Variants in BLMH observed in about 807,000 individuals in gnomAD.
BLMH encodes the protein bleomycin hydrolase, also known as BLM hydrolase.
BLMH carries 32 observed loss-of-function variants against 61.6 expected under a neutral mutation model. The observed-to-expected ratio is 0.52, with a 90% CI of 0.39 to 0.70. The LOEUF (loss-of-function observed/expected upper bound fraction) is 0.70. BLMH is among the 30% of genes least tolerant of loss of function. The pLI, the probability that BLMH is intolerant of heterozygous loss-of-function variation, is 0.00. For synonymous variants in BLMH, 183 were observed against 193.8 expected, an observed-to-expected ratio of 0.94 and a Z score of 0.46; for missense variants, 460 against 555.5, an observed-to-expected ratio of 0.83 and a Z score of 1.73.
Position 30,272,744 on chromosome 17 carries a change from T to G in BLMH, c.957A>C (p.Gly319=). ...KKMVAASIKD[G]EAVWFGCDVG... The stretch of plus-strand genomic sequence containing the variant: ...AAAATACAGAAACAATACCAACCTC[T>G]CCATCTTTGATGGAGGCAGCAACCA... The change falls in exon 8 of 12, where the codon GGA becomes GGC. Residue 319 remains glycine (G), a synonymous_variant. Transcript: ENST00000261714. The G allele has an allele frequency of 6.2e-7, 1 of 1,614,146 alleles. No individual in the cohort carries two copies. The highest frequency in any genetic ancestry group is 2.2e-5 in the East Asian group (1 of 44,884).
At position 30,291,894 on chromosome 17, in the gene BLMH, C is replaced by G; in HGVS notation, c.-75G>C. ...CGAGCGCCGGGATTGCGCTGCGGCT[C>G]GCTGCCTAGGGGGCCCGACCTGTCT... On this transcript the variant is annotated 5_prime_UTR_variant, in exon 1 of 12. Transcript: ENST00000261714. 1.6e-6 allele frequency: 2 copies of G among 1,270,524 alleles called. No individual in the cohort carries two copies. Among genetic ancestry groups the G allele is most frequent in the Non-Finnish European group, 2.0e-6 (2 of 1,009,424 alleles). 78.7% of individuals were successfully genotyped at this position (1,270,524 alleles called of 1,614,324 possible). A position where few individuals can be genotyped will look rare whatever the true frequency, so the allele number is the denominator to read the frequency against.
intron 11 of BLMH, among the ~76,000 whole-genome samples, chr17:30,256,574 C>T (rs1222735812): frequency 2.6e-5 from 4 of 152,216 alleles, no homozygotes; most frequent in African/African-American, 9.6e-5. Flanking sequence ...AGGTGATCTA[C>T]CCACCTCGGC....
intron 10 of BLMH, among the ~76,000 whole-genome samples, chr17:30,269,605 A>G (rs564500490): frequency 1.3e-5 from 2 of 152,322 alleles, no homozygotes; most frequent in South Asian, 2.1e-4. Flanking sequence ...CTTGATCTAC[A>G]TAAGTAATGC....
intron 3 of BLMH, among the ~76,000 whole-genome samples, chr17:30,289,129 A>G (rs1356490541): frequency 1.3e-5 from 2 of 152,204 alleles, no homozygotes; most frequent in African/African-American, 4.8e-5. Context: ...TAAAATTTTA[A>G]ATAGACAAGC....
At chr17:30,274,703 C>A (rs1267834189) in intron 6 of BLMH, among the ~76,000 whole-genome samples, 1 of 152,012 alleles carries the variant, frequency 6.6e-6, no homozygotes, top group African/African-American at 2.4e-5. Flanking sequence ...AGAGGAGGGC[C>A]AGGTGCAGTG....
At chr17:30,249,470 T>TG (rs1907615225) in intron 11 of BLMH, 1 of 282,796 alleles carries the variant, frequency 3.5e-6, no homozygotes, top group African/African-American at 2.2e-5. Flanking sequence ...CCTGTACTGA[T>TG]GCTCTCTTCC....
Position 30,272,615 on chromosome 17 carries a change from C to T in BLMH, c.974G>A (p.Gly325Asp), listed in dbSNP as rs748141183. The T allele has an allele frequency of 2.5e-6, 4 of 1,614,160 alleles. No homozygotes were observed. The highest frequency in any genetic ancestry group is 3.4e-6 in the Non-Finnish European group (4 of 1,180,024). The change falls in exon 9 of 12, where the codon GGC becomes GAC. Residue 325 changes from glycine (G) to aspartate (D), a missense_variant. Gly to Asp is a moderately conservative substitution (Grantham distance 94). Around this residue, in one of 5 missense-constraint regions of BLMH, gnomAD observed 310 missense variants for 371.1 expected, o/e 0.84. Coordinates refer to ENST00000261714, the MANE Select transcript of BLMH (RefSeq NM_000386.4). ...ATTGAAGTGTTTTCCAACATCACAG[C>T]CAAACCACACAGCCTAGAAACAGAA... is the stretch of plus-strand genomic sequence containing the variant. ...SIKDGEAVWF[G>D]CDVGKHFNSK... is the part of the protein sequence containing the mutation.
At chr17:30,259,392 A>C (rs185764058) in intron 11 of BLMH, among the ~76,000 whole-genome samples, 21 of 152,062 alleles carry the variant, frequency 1.4e-4, no homozygotes, top group African/African-American at 5.1e-4. Flanking sequence ...CTGCTGTTCC[A>C]CTATTTACCA....
Position 30,291,745 on chromosome 17 carries a change from G to A in BLMH, c.13+62C>T, listed in dbSNP as rs903588668. ...CCAGCCCCCGGCCTTCCCCGCCGCC[G>A]GGCCTCACGGGGACCGCGGAGCTCC... On this transcript the variant is annotated intron_variant, in intron 1 of 11. Transcript: ENST00000261714. 8 of 1,422,640 alleles carry A rather than the reference G, an allele frequency of 5.6e-6. No individual in the cohort carries two copies. In the South Asian group the frequency reaches 7.7e-5, roughly 14 times the overall value. The allele number at this position is 1,422,640 out of a possible 1,614,324, so 88.1% of individuals were successfully genotyped here. A position where few individuals can be genotyped will look rare whatever the true frequency, so the allele number is the denominator to read the frequency against.
chr17:30,254,998 G>A (rs912271166), intron 11 of BLMH, among the ~76,000 whole-genome samples: 5 of 152,002 alleles, frequency 3.3e-5, no homozygotes, highest in South Asian at 2.1e-4. Flanking sequence ...TTTAAGTACC[G>A]AATCTACATG....
rs962790897 is a variant in BLMH at position 30,248,608 on chromosome 17, C to T, written c.*409G>A. 1.2e-5 allele frequency: 2 copies of T among 164,354 alleles called. No homozygotes were observed. Among genetic ancestry groups the T allele is most frequent in the African/African-American group, 4.8e-5 (2 of 41,650 alleles). 10.2% of individuals were successfully genotyped at this position (164,354 alleles called of 1,614,324 possible). A position where few individuals can be genotyped will look rare whatever the true frequency, so the allele number is the denominator to read the frequency against. The stretch of plus-strand genomic sequence containing the variant: ...AGTTCCGAGAGCTCAACTCTTAGGC[C>T]ACCCTCCCTCCACTCTACTCTAGGA... On this transcript the variant is annotated 3_prime_UTR_variant, in exon 12 of 12. Transcript: ENST00000261714.
intron 11 of BLMH, among the ~76,000 whole-genome samples, chr17:30,250,474 A>G (rs1907641195): frequency 6.6e-6 from 1 of 152,210 alleles, no homozygotes; most frequent in Admixed American, 6.5e-5. Flanking sequence ...ACAGCCAACA[A>G]ACATGAAAAA....
intron 10 of BLMH, 43 bp downstream of exon 10, chr17:30,271,228 T>C: frequency 1.5e-6 from 2 of 1,343,292 alleles, no homozygotes; most frequent in South Asian, 1.2e-5. Context: ...AGAATGTAGA[T>C]CCATCTGTGC....
intron 10 of BLMH, among the ~76,000 whole-genome samples, chr17:30,268,877 A>G (rs2143021449): frequency 6.7e-6 from 1 of 149,584 alleles, no homozygotes; most frequent in South Asian, 2.1e-4. Flanking sequence ...TCTCTACTAA[A>G]AATACAAAAA....
At chr17:30,252,192 A>T (rs1265367607) in intron 11 of BLMH, 1 of 152,164 alleles carries the variant, frequency 6.6e-6, no homozygotes, top group East Asian at 1.9e-4. Context: ...ACACTTTGAG[A>T]ACTGCTGCTC....
intron 9 of BLMH, chr17:30,272,244 C>A: frequency 3.0e-6 from 1 of 330,678 alleles, no homozygotes; most frequent in Non-Finnish European, 5.6e-6. Flanking sequence ...CATTACACTC[C>A]CAAATGCACT....
At chr17:30,270,105 G>C (rs1443723762) in intron 10 of BLMH, among the ~76,000 whole-genome samples, 2 of 152,176 alleles carry the variant, frequency 1.3e-5, no homozygotes, top group African/African-American at 4.8e-5. Flanking sequence ...CTTTTAGATA[G>C]GCTAGTTAGG....
At chr17:30,263,066 C>T (rs1007898396) in intron 11 of BLMH, among the ~76,000 whole-genome samples, 10 of 152,292 alleles carry the variant, frequency 6.6e-5, no homozygotes, top group Admixed American at 6.5e-4. Context: ...TATATCCCTT[C>T]ATCCACTCTT....
Position 30,266,326 on chromosome 17 carries a change from G to A in BLMH, c.1216+559C>T, listed in dbSNP as rs1195746201. Among the ~76,000 whole-genome samples, 4 of 151,930 alleles carry A rather than the reference G, an allele frequency of 2.6e-5. No individual in the cohort carries two copies. In the East Asian group the frequency reaches 7.7e-4, roughly 29 times the overall value. ...GCGGATCACGAGGTCAGGAAATCGA[G>A]ACCATCCTGGCTAACACGGTGAAAC... On this transcript the variant is annotated intron_variant, in intron 11 of 11. Transcript: ENST00000261714.
Sources: allele counts gnomAD v4.1 joint callset (sites outside exome capture counted in the v4.1 genomes callset), GRCh38; gene constraint gnomAD v4.1.1; regional missense constraint gnomAD v4.1.1; transcripts MANE v1.5; gene names NCBI Gene and HGNC (gene_info 2026-07-23, HGNC 2026-07-21).